Variants in CASZ1 observed in about 807,000 individuals in gnomAD.
CASZ1 encodes the protein zinc finger protein castor homolog 1.
CASZ1 carries 28 observed loss-of-function variants against 135.2 expected under a neutral mutation model. The ratio of observed to expected loss-of-function variants is 0.21; its 90% CI spans 0.15 to 0.28. The LOEUF is 0.28. Among genes scored for constraint, CASZ1 ranks in the 10% least tolerant of loss-of-function variants. CASZ1 has a pLI of 1.00. For synonymous variants in CASZ1, 1,068 were observed against 1,073.4 expected (o/e 0.99, Z 0.10); for missense variants, 2,161 against 2,453.3 (o/e 0.88, Z 2.52).
chr1:10,683,469 C>T (rs1429550267), intron 4 of CASZ1, among the ~76,000 whole-genome samples: 1 of 152,192 alleles, frequency 6.6e-6, no homozygotes, highest in African/African-American at 2.4e-5. Context: ...CCAGTGGAGA[C>T]ACCCACCGCA....
chr1:10,706,663 G>A lies in CASZ1; in HGVS notation c.-76-1119C>T, dbSNP rs961190311. On this transcript the variant is annotated intron_variant, in intron 2 of 20. Coordinates refer to ENST00000377022, the MANE Select transcript of CASZ1 (RefSeq NM_001079843.3). This position sits in a 1 kb window ranked among gnomAD's most constrained non-coding sequence, Gnocchi z 4.3. ...ATTGTACTTGACACGTCCTCTTAAG[G>A]AGGGCTCGGCTCTCCACCAGCTTTC... Among the ~76,000 whole-genome samples the A allele has an allele frequency of 1.3e-5, 2 of 152,194 alleles. No homozygotes were observed. The highest frequency in any genetic ancestry group is 4.8e-5 in the African/African-American group (2 of 41,452).
At position 10,726,037 on chromosome 1, in the gene CASZ1, T is replaced by C. The variant is rs1393594611; in HGVS notation, c.-76-20493A>G. 6.6e-6 allele frequency among the ~76,000 whole-genome samples: 1 copy of C among 152,172 alleles called. No individual in the cohort carries two copies. Among genetic ancestry groups the C allele is most frequent in the African/African-American group, 2.4e-5 (1 of 41,432 alleles). On this transcript the variant is annotated intron_variant, in intron 2 of 20. Coordinates refer to ENST00000377022, the MANE Select transcript of CASZ1 (RefSeq NM_001079843.3). The surrounding 1 kb of genome is among the most constrained non-coding windows in gnomAD (Gnocchi z 5.7). ...GCATTTGCTGAGCAGTCACTATCTG[T>C]CAGGGGCTGTACCATCTCATTGATG... is the stretch of plus-strand genomic sequence containing the variant.
chr1:10,656,782 TCCCAGC>T (rs561972142), intron 7 of CASZ1, 46 bp from the exon 8 acceptor site: 86 of 1,316,364 alleles, frequency 6.5e-5, no homozygotes, highest in Middle Eastern at 2.1e-4. Context: ...TGGGTGACAG[TCCCAGC>T]CCCAGCCCCA....
chr1:10,734,755 T>C (rs1639764864), intron 2 of CASZ1, among the ~76,000 whole-genome samples: 2 of 152,236 alleles, frequency 1.3e-5, no homozygotes, highest in Non-Finnish European at 2.9e-5. Flanking sequence ...TGGTTTTCTC[T>C]CTTTCTCTAA....
Position 10,739,017 on chromosome 1 carries a change from C to T in CASZ1, c.-77+21684G>A, listed in dbSNP as rs990031880. 7.1e-6 allele frequency among the ~76,000 whole-genome samples: 1 copy of T among 140,204 alleles called. No individual in the cohort carries two copies. Among genetic ancestry groups the T allele is most frequent in the Non-Finnish European group, 1.5e-5 (1 of 66,230 alleles). The allele number at this position is 140,204 out of a possible 152,430, so 92.0% of individuals were successfully genotyped here. On this transcript the variant is annotated intron_variant, in intron 2 of 20. Transcript: ENST00000377022. The surrounding 1 kb of genome is among the most constrained non-coding windows in gnomAD (Gnocchi z 4.8). Reference sequence around the variant, plus strand: ...ATGTTCTCAACAAGGGGAGATTTGACTGGCTTCTCTGAGAACCAGTCATAG... The same window carrying T: ...ATGTTCTCAACAAGGGGAGATTTGATTGGCTTCTCTGAGAACCAGTCATAG...
At chr1:10,705,221 C>T (rs1244323677) in intron 3 of CASZ1, among the ~76,000 whole-genome samples, 1 of 152,250 alleles carries the variant, frequency 6.6e-6, no homozygotes, top group Non-Finnish European at 1.5e-5. Flanking sequence ...CCACACTGCC[C>T]TGAGCACGTT....
chr1:10,693,982 G>GCCGC (rs1297562155), intron 3 of CASZ1, 70 bp from the exon 4 acceptor site: 2 of 1,468,336 alleles, frequency 1.4e-6, no homozygotes, highest in East Asian at 2.4e-5. Context: ...CGGGACCCCG[G>GCCGC]CCGCCCGCCC....
At chr1:10,731,556 C>T (rs1348885938) in intron 2 of CASZ1, among the ~76,000 whole-genome samples, 2 of 152,164 alleles carry the variant, frequency 1.3e-5, no homozygotes, top group African/African-American at 2.4e-5. Context: ...TGAACTCCAG[C>T]CTGGGTGACA....
At chr1:10,690,646 C>T (rs114678942) in intron 4 of CASZ1, among the ~76,000 whole-genome samples, 2 of 152,160 alleles carry the variant, frequency 1.3e-5, no homozygotes, top group African/African-American at 2.4e-5. Flanking sequence ...GCAGCCACAG[C>T]GACACATGGG....
chr1:10,762,209 C>T lies in CASZ1; in HGVS notation c.-233-1352G>A, dbSNP rs1014002887. ...CCTACCTCGGCTGGGGCAATGCCAC[C>T]GAGACCAGCTCCCTGGGGGAGGCCA... On this transcript the variant is annotated intron_variant, in intron 1 of 20. Transcript: ENST00000377022. The surrounding 1 kb of genome is among the most constrained non-coding windows in gnomAD (Gnocchi z 4.1). 5.9e-5 allele frequency among the ~76,000 whole-genome samples: 9 copies of T among 152,156 alleles called. No individual in the cohort carries two copies. Among genetic ancestry groups the T allele is most frequent in the South Asian group, 2.1e-4 (1 of 4,814 alleles).
Position 10,646,453 on chromosome 1 carries a change from G to T in CASZ1, c.3498-127C>A, listed in dbSNP as rs1444200223. 1.2e-5 allele frequency: 10 copies of T among 840,108 alleles called. No individual in the cohort carries two copies. Among genetic ancestry groups the T allele is most frequent in the Non-Finnish European group, 1.7e-5 (9 of 520,060 alleles). The allele number at this position is 840,108 out of a possible 1,614,324, so 52.0% of individuals were successfully genotyped here. ...GGTACCACCAAGAGGGATGGCCTGG[G>T]CTGCTGTCCTGCTCAACAGGATGAC... On this transcript the variant is annotated intron_variant, in intron 16 of 20. Transcript: ENST00000377022. The surrounding 1 kb of genome is among the most constrained non-coding windows in gnomAD (Gnocchi z 6.4).
At chr1:10,760,020 A>G (rs939270688) in intron 2 of CASZ1, among the ~76,000 whole-genome samples, 5 of 152,216 alleles carry the variant, frequency 3.3e-5, no homozygotes, top group Non-Finnish European at 7.3e-5. Context: ...TGATACCTGC[A>G]GGTAAATATC....
In CASZ1 at chr1:10,720,186, C is replaced by A. The variant is rs796300974; in HGVS notation, c.-76-14642G>T. 6.6e-6 allele frequency among the ~76,000 whole-genome samples: 1 copy of A among 152,190 alleles called. No individual in the cohort carries two copies. Among genetic ancestry groups the A allele is most frequent in the Non-Finnish European group, 1.5e-5 (1 of 68,034 alleles). ...TTGTCTATAAAATGCACGCGATGAT[C>A]GTGCCTGTCGCAGGGGGCTGTGGTG... On this transcript the variant is annotated intron_variant, in intron 2 of 20. Coordinates refer to ENST00000377022, the MANE Select transcript of CASZ1 (RefSeq NM_001079843.3). The surrounding 1 kb of genome is among the most constrained non-coding windows in gnomAD (Gnocchi z 5.7).
intron 1 of CASZ1, among the ~76,000 whole-genome samples, chr1:10,784,040 T>A (rs1225911735): frequency 6.6e-6 from 1 of 151,922 alleles, no homozygotes; most frequent in African/African-American, 2.4e-5. Context: ...CCTGCCCAAT[T>A]CCACAGGACT....
intron 2 of CASZ1, among the ~76,000 whole-genome samples, chr1:10,738,321 C>T (rs779118776): frequency 7.0e-4 from 107 of 152,198 alleles, no homozygotes; most frequent in Non-Finnish European, 1.2e-3. Flanking sequence ...GGGACGCTGA[C>T]GCGGCAGGAA....
chr1:10,745,517 T>G (rs376189340), intron 2 of CASZ1, among the ~76,000 whole-genome samples: 3 of 152,150 alleles, frequency 2.0e-5, no homozygotes, highest in African/African-American at 7.2e-5. Context: ...GTGCAACCCA[T>G]GCAGCCACAC....
chr1:10,754,799 C>T (rs777874403), intron 2 of CASZ1, among the ~76,000 whole-genome samples: 11 of 152,168 alleles, frequency 7.2e-5, no homozygotes, highest in African/African-American at 1.4e-4. Context: ...TGACTTGAGT[C>T]GGTGAAGCTG....
chr1:10,722,661 A>T (rs770785868), intron 2 of CASZ1, among the ~76,000 whole-genome samples: 1 of 152,238 alleles, frequency 6.6e-6, no homozygotes, highest in Non-Finnish European at 1.5e-5. Context: ...GTGAGCACCA[A>T]TTCGGACTGG....
chr1:10,784,707 G>A (rs1017181612), intron 1 of CASZ1, among the ~76,000 whole-genome samples: 3 of 152,118 alleles, frequency 2.0e-5, no homozygotes, highest in African/African-American at 7.2e-5. Context: ...GGGACTACAG[G>A]CTTCCACCAC....
Sources: gnomAD v4.1 joint callset for allele counts (sites outside exome capture counted in the v4.1 genomes callset) on GRCh38, gnomAD v4.1.1 for gene constraint, Gnocchi (gnomAD v3.1) non-coding constraint, MANE v1.5 for transcripts, NCBI Gene and HGNC (gene_info 2026-07-23, HGNC 2026-07-21) for gene names.